FRY: variants seen among roughly 807,000 people sequenced by gnomAD.
FRY encodes protein furry homolog.
FRY carries 128 observed loss-of-function variants against 348.4 expected under a neutral mutation model. The observed-to-expected ratio is 0.37, with a 90% CI of 0.32 to 0.43. FRY has a LOEUF of 0.43. FRY is among the 20% of genes least tolerant of loss of function. FRY has a pLI of 1.00. For missense variants in FRY, 2,736 were observed against 3,695.2 expected (o/e 0.74, Z 6.73); for synonymous variants, 1,370 against 1,374.7 (o/e 1.00, Z 0.08).
At position 32,044,345 on chromosome 13, in the gene FRY, TATTTAC is replaced by T. The variant is rs141224316; in HGVS notation, c.70+12482_70+12487del. Among the ~76,000 whole-genome samples the T allele has an allele frequency of 1.7e-4, 26 of 152,342 alleles. No individual in the cohort carries two copies. The East Asian group carries it at 5.0e-3, about 29-fold the overall frequency. On this transcript the variant is annotated intron_variant, in intron 1 of 60. Transcript: ENST00000542859. ...GGCTTTATCACTGACTCACTTTCCC[TATTTAC>T]AGCCTCCCTAAGCTAGGTATCGCAA...
intron 11 of FRY, among the ~76,000 whole-genome samples, chr13:32,138,752 T>A (rs1325354720): frequency 6.6e-6 from 1 of 152,114 alleles, no homozygotes; most frequent in East Asian, 1.9e-4. Context: ...TTAGGGAAGG[T>A]GCTGAAAGTG....
At chr13:32,121,401 G>A (rs1442536892) in intron 4 of FRY, among the ~76,000 whole-genome samples, 1 of 150,552 alleles carries the variant, frequency 6.6e-6, no homozygotes, top group Non-Finnish European at 1.5e-5. Flanking sequence ...TTGCAGAAGT[G>A]TTCCCTGTTC....
intron 1 of FRY, among the ~76,000 whole-genome samples, chr13:32,041,316 C>T (rs1872737133): frequency 1.1e-5 from 1 of 92,552 alleles, no homozygotes; most frequent in African/African-American, 4.2e-5. Flanking sequence ...TTTTTTGAGA[C>T]AGAGTCTAGC....
rs541512975 is a variant in FRY at position 32,131,846 on chromosome 13, G to A, written c.885+6G>A. On this transcript the variant is annotated splice_donor_region_variant and intron_variant, in intron 8 of 60. Transcript: ENST00000542859. ...CCTCTCTTCAGTTTATGCAGGTAAT[G>A]TCTTAGGCAGGAGAGCTAAGGTGCT... 1.2e-6 allele frequency: 2 copies of A among 1,610,292 alleles called. No homozygotes were observed. The highest frequency in any genetic ancestry group is 2.7e-5 in the African/African-American group (2 of 74,994).
rs182495223 is a variant in FRY, at chr13:32,228,787, T to C, written c.5405+133T>C. 4.5e-4 allele frequency: 351 copies of C among 772,008 alleles called. No homozygotes were observed. The African/African-American group carries it at 5.3e-3, about 12-fold the overall frequency. 47.8% of individuals were successfully genotyped at this position (772,008 alleles called of 1,614,324 possible). The stretch of plus-strand genomic sequence containing the variant: ...TCCTGTTTCTCTTCTCAATTGCAAC[T>C]GCTGGAGTCTGTGTGAACAGACACT... On this transcript the variant is annotated intron_variant, in intron 40 of 60. Coordinates refer to ENST00000542859, the MANE Select transcript of FRY (RefSeq NM_023037.3).
rs1466705016 is a variant in FRY, at chr13:32,265,537, T to C, written c.7867T>C (p.Cys2623Arg). 5 of 1,614,184 alleles carry C rather than the reference T, an allele frequency of 3.1e-6. No homozygotes were observed. The highest frequency in any genetic ancestry group is 4.2e-6 in the Non-Finnish European group (5 of 1,180,026). The change falls in exon 54 of 61, where the codon TGC becomes CGC. Residue 2623 changes from cysteine (C) to arginine (R), a missense_variant. Physicochemically the swap from Cys to Arg is radical, Grantham distance 180 (BLOSUM62 -3). Coordinates refer to ENST00000542859, the MANE Select transcript of FRY (RefSeq NM_023037.3). ...SINELPAAFE[C>R]SDSFSLDMTE... ...CAATGAACTCCCAGCAGCTTTTGAA[T>C]GCAGCGACAGCTTTAGCCTGGACAT...
At chr13:32,181,575 C>CAAAA (rs35272711) in intron 23 of FRY, among the ~76,000 whole-genome samples, 2 of 58,998 alleles carry the variant, frequency 3.4e-5, no homozygotes, top group Admixed American at 1.9e-4. Flanking sequence ...ACTCCGTCAC[C>CAAAA]AAAAAAAAAA....
chr13:32,076,003 A>C (rs1440008352), intron 1 of FRY, among the ~76,000 whole-genome samples: 1 of 152,212 alleles, frequency 6.6e-6, no homozygotes, highest in Non-Finnish European at 1.5e-5. Context: ...CTGGCTTTGA[A>C]GTTCAGGTGA....
intron 55 of FRY, 73 bp from the exon 56 acceptor site, chr13:32,274,769 C>G (rs1471287694): frequency 9.3e-7 from 1 of 1,072,600 alleles, no homozygotes. Flanking sequence ...GAAGCTACCC[C>G]TCCCCCAAAA....
intron 4 of FRY, among the ~76,000 whole-genome samples, 169 bp downstream of exon 4, chr13:32,117,642 G>A (rs749135689): frequency 6.6e-5 from 10 of 152,130 alleles, no homozygotes; most frequent in East Asian, 5.8e-4. Context: ...TTGGAGCACC[G>A]AGTCACTGCC....
intron 14 of FRY, among the ~76,000 whole-genome samples, chr13:32,150,336 A>C (rs1880717526): frequency 6.6e-6 from 1 of 152,248 alleles, no homozygotes; most frequent in South Asian, 2.1e-4. Flanking sequence ...CATCATACAC[A>C]ACATGGAGCA....
intron 24 of FRY, among the ~76,000 whole-genome samples, chr13:32,183,376 T>C (rs973597740): frequency 6.6e-6 from 1 of 152,238 alleles, no homozygotes; most frequent in Non-Finnish European, 1.5e-5. Context: ...TGGCCAAGAA[T>C]GTAATTTGTT....
At chr13:32,155,418 G>A (rs1881053063) in intron 14 of FRY, 73 bp from the exon 15 acceptor site, 1 of 1,097,280 alleles carries the variant, frequency 9.1e-7, no homozygotes. Flanking sequence ...TTAACTATCT[G>A]AAAGACTTAT....
At chr13:32,278,267 C>A (rs1888634919) in intron 57 of FRY, among the ~76,000 whole-genome samples, 198 bp from the exon 58 acceptor site, 1 of 152,164 alleles carries the variant, frequency 6.6e-6, no homozygotes, top group Non-Finnish European at 1.5e-5. Flanking sequence ...CATTACTGAA[C>A]CCATATAAAC....
Position 32,247,348 on chromosome 13 carries a change from A to C in FRY, c.6854A>C (p.Asn2285Thr). The C allele has an allele frequency of 6.2e-7, 1 of 1,613,672 alleles. No individual in the cohort carries two copies. The highest frequency in any genetic ancestry group is 8.5e-7 in the Non-Finnish European group (1 of 1,179,620). Residue 2285 changes from asparagine to threonine, a missense_variant, in exon 48 of 61, where the codon AAT becomes ACT. Coordinates refer to ENST00000542859, the MANE Select transcript of FRY (RefSeq NM_023037.3). ...VQSVHWREAL[N>T]ILKLVVSRSA... ...AGTGTTCACTGGAGAGAAGCTCTGA[A>C]TATCTTGAAGCTGGTAGTTTCTCGG...
At chr13:32,285,448 A>G (rs930412492) in intron 58 of FRY, among the ~76,000 whole-genome samples, 6 of 152,330 alleles carry the variant, frequency 3.9e-5, no homozygotes, top group Admixed American at 3.9e-4. Flanking sequence ...GGCATTCATC[A>G]CAGTTGGCCA....
intron 1 of FRY, among the ~76,000 whole-genome samples, chr13:32,069,193 G>C (rs1874461941): frequency 6.6e-6 from 1 of 152,092 alleles, no homozygotes; most frequent in South Asian, 2.1e-4. Context: ...GGGATTACAG[G>C]CATGAGCCAC....
intron 11 of FRY, among the ~76,000 whole-genome samples, chr13:32,139,738 G>A (rs1879943050): frequency 6.6e-6 from 1 of 152,030 alleles, no homozygotes. Context: ...CATCTTTCAG[G>A]AACTCTTGGT....
chr13:32,108,512 T>G (rs188165305), intron 3 of FRY, among the ~76,000 whole-genome samples: 1 of 152,316 alleles, frequency 6.6e-6, no homozygotes, highest in Admixed American at 6.5e-5. Context: ...AAAATATGAC[T>G]CACATAGAGA....
Sources: gnomAD v4.1 joint callset for allele counts (sites outside exome capture counted in the v4.1 genomes callset) on GRCh38, gnomAD v4.1.1 for gene constraint, MANE v1.5 for transcripts, NCBI Gene and HGNC (gene_info 2026-07-23, HGNC 2026-07-21) for gene names.